GALNT17: variants seen among roughly 807,000 people sequenced by gnomAD.
The protein encoded by GALNT17 is polypeptide N-acetylgalactosaminyltransferase 17.
GALNT17 carries 29 observed loss-of-function variants against 63.7 expected under a neutral mutation model. The ratio of observed to expected loss-of-function variants is 0.46; its 90% CI spans 0.34 to 0.62. The LOEUF (loss-of-function observed/expected upper bound fraction) is 0.62, where lower values mean the gene tolerates loss of function less well. Among genes scored for constraint, GALNT17 ranks in the 20% least tolerant of loss-of-function variants. The pLI is 0.01. For missense variants in GALNT17, 603 were observed against 799.6 expected, an observed-to-expected ratio of 0.75 and a Z score of 2.97; for synonymous variants, 305 against 318.3, an observed-to-expected ratio of 0.96 and a Z score of 0.45.
intron 1 of GALNT17, among the ~76,000 whole-genome samples, chr7:71,271,856 C>A (rs573790027): frequency 1.1e-4 from 16 of 152,286 alleles, no homozygotes; most frequent in Middle Eastern, 3.4e-3. Context: ...ACCTCCCAGG[C>A]TAAAGCGATC....
intron 1 of GALNT17, among the ~76,000 whole-genome samples, chr7:71,255,970 C>G (rs1036470259): frequency 6.6e-6 from 1 of 152,138 alleles, no homozygotes; most frequent in Non-Finnish European, 1.5e-5. Context: ...TACCCTTCTG[C>G]CTTTTCAGAA....
chr7:71,220,159 A>G (rs1354474069), intron 1 of GALNT17, among the ~76,000 whole-genome samples: 1 of 152,228 alleles, frequency 6.6e-6, no homozygotes, highest in African/African-American at 2.4e-5. Context: ...CCATTTATGC[A>G]AATGAAGGAT....
intron 1 of GALNT17, among the ~76,000 whole-genome samples, chr7:71,221,284 T>C (rs1789578303): frequency 6.6e-6 from 1 of 152,162 alleles, no homozygotes; most frequent in Non-Finnish European, 1.5e-5. Context: ...GGCTGCATAG[T>C]ATTTCATGGT....
intron 6 of GALNT17, among the ~76,000 whole-genome samples, chr7:71,645,858 G>C (rs1055072432): frequency 6.6e-6 from 1 of 152,148 alleles, no homozygotes; most frequent in Admixed American, 6.5e-5. Context: ...CAAGCCTGCA[G>C]GCCCAATTTC....
intron 5 of GALNT17, among the ~76,000 whole-genome samples, chr7:71,538,567 C>T (rs926909722): frequency 1.3e-5 from 2 of 152,156 alleles, no homozygotes; most frequent in Admixed American, 6.5e-5. Context: ...TCAGTGCCTG[C>T]GAAAGATCTT....
intron 5 of GALNT17, among the ~76,000 whole-genome samples, chr7:71,567,215 G>C (rs1314531256): frequency 6.6e-6 from 1 of 152,148 alleles, no homozygotes; most frequent in Non-Finnish European, 1.5e-5. Context: ...GCCAAGAGCT[G>C]GGAGGAAATG....
intron 6 of GALNT17, among the ~76,000 whole-genome samples, chr7:71,643,839 T>A (rs1790637122): frequency 6.6e-6 from 1 of 152,162 alleles, no homozygotes; most frequent in Non-Finnish European, 1.5e-5. Flanking sequence ...AAAAGACCAT[T>A]TCCCTTTATC....
chr7:71,307,021 A>G (rs1791314533), intron 1 of GALNT17, among the ~76,000 whole-genome samples: 1 of 151,982 alleles, frequency 6.6e-6, no homozygotes, highest in African/African-American at 2.4e-5. Flanking sequence ...ATGGGGTTTC[A>G]CTATGTTGGG....
chr7:71,696,899 A>G (rs1032302011), intron 9 of GALNT17, among the ~76,000 whole-genome samples: 2 of 152,226 alleles, frequency 1.3e-5, no homozygotes, highest in African/African-American at 2.4e-5. Flanking sequence ...TGCTGCTAAA[A>G]ATAACACTAA....
intron 1 of GALNT17, among the ~76,000 whole-genome samples, chr7:71,155,054 G>A (rs938412125): frequency 5.9e-5 from 9 of 151,762 alleles, no homozygotes; most frequent in African/African-American, 1.9e-4. Context: ...AATTTCAGTT[G>A]TCTTTCATTC....
At chr7:71,345,551 A>G (rs1188980327) in intron 2 of GALNT17, among the ~76,000 whole-genome samples, 1 of 152,174 alleles carries the variant, frequency 6.6e-6, no homozygotes, top group Non-Finnish European at 1.5e-5. Flanking sequence ...TCCTCATGTC[A>G]TGCCCAGTGA....
intron 5 of GALNT17, among the ~76,000 whole-genome samples, chr7:71,421,491 T>A (rs1786664687): frequency 2.0e-5 from 3 of 152,190 alleles, no homozygotes; most frequent in Non-Finnish European, 4.4e-5. Context: ...GCACTCTTTT[T>A]CATGATACAA....
intron 5 of GALNT17, among the ~76,000 whole-genome samples, chr7:71,512,849 C>T (rs1339929341): frequency 6.6e-6 from 1 of 152,152 alleles, no homozygotes; most frequent in East Asian, 1.9e-4. Context: ...GGCCTGAGGC[C>T]CAGGTCGGCT....
chr7:71,209,331 G>T (rs1789333326), intron 1 of GALNT17, among the ~76,000 whole-genome samples: 1 of 152,104 alleles, frequency 6.6e-6, no homozygotes, highest in Non-Finnish European at 1.5e-5. Flanking sequence ...TCTATGTGCT[G>T]GGTACTGGGC....
At chr7:71,578,256 G>T (rs1789571844) in intron 6 of GALNT17, among the ~76,000 whole-genome samples, 1 of 151,882 alleles carries the variant, frequency 6.6e-6, no homozygotes. Flanking sequence ...GGCTGGTCTG[G>T]AACTCCTGAC....
At chr7:71,456,737 A>G (rs1787363589) in intron 5 of GALNT17, among the ~76,000 whole-genome samples, 1 of 152,094 alleles carries the variant, frequency 6.6e-6, no homozygotes, top group Admixed American at 6.5e-5. Flanking sequence ...AAAATATCTG[A>G]GACAGATTTC....
chr7:71,218,911 G>A (rs79052210), intron 1 of GALNT17, among the ~76,000 whole-genome samples: 10,156 of 152,124 alleles, frequency 0.067, 647 homozygotes, highest in African/African-American at 0.17. Flanking sequence ...TGTTGAGTAA[G>A]TAGTAATAAT....
Position 71,246,460 on chromosome 7 carries a change from T to G in GALNT17, c.239-89090T>G, listed in dbSNP as rs537922635. ...TAATATTAAGAATTTGGAAGCCACC[T>G]AAAAGACTAATAGGAATGGAATGGT... On this transcript the variant is annotated intron_variant, in intron 1 of 10. Transcript: ENST00000333538. 4.7e-5 allele frequency among the ~76,000 whole-genome samples: 7 copies of G among 150,394 alleles called. No individual in the cohort carries two copies. The South Asian group carries it at 1.3e-3, about 28-fold the overall frequency.
chr7:71,468,939 C>G (rs1331867451), intron 5 of GALNT17, among the ~76,000 whole-genome samples: 2 of 152,138 alleles, frequency 1.3e-5, no homozygotes, highest in African/African-American at 4.8e-5. Context: ...AAGCTCTTGC[C>G]TCTGGAAGGA....
Sources: allele counts gnomAD v4.1 joint callset (sites outside exome capture counted in the v4.1 genomes callset), GRCh38; gene constraint gnomAD v4.1.1; transcripts MANE v1.5; gene names NCBI Gene and HGNC (gene_info 2026-07-23, HGNC 2026-07-21).